The following PDZD2 variants were observed in gnomAD, a reference collection of about 807,000 sequenced individuals.
PDZD2 encodes PDZ domain-containing protein 2.
In PDZD2, 90 loss-of-function variants were observed where a neutral mutation model predicts 220.7. That is an observed-to-expected ratio of 0.41 (90% CI 0.34 to 0.49). The LOEUF (loss-of-function observed/expected upper bound fraction) is 0.49. Among genes scored for constraint, PDZD2 ranks in the 20% least tolerant of loss-of-function variants. The pLI is 0.28. For synonymous variants in PDZD2, 1,375 were observed against 1,450.5 expected, an observed-to-expected ratio of 0.95 and a Z score of 1.18; for missense variants, 3,174 against 3,608.5, an observed-to-expected ratio of 0.88 and a Z score of 3.08.
At chr5:31,865,708 A>G (rs1738161292) in intron 2 of PDZD2, among the ~76,000 whole-genome samples, 1 of 126,926 alleles carries the variant, frequency 7.9e-6, no homozygotes, top group Non-Finnish European at 1.5e-5. Flanking sequence ...ATCTCGTCTC[A>G]CTGCAAGCTC....
intron 18 of PDZD2, among the ~76,000 whole-genome samples, chr5:32,077,168 T>C (rs1741377015): frequency 6.6e-6 from 1 of 152,234 alleles, no homozygotes; most frequent in South Asian, 2.1e-4. Context: ...TCTAGCCTTA[T>C]ATGTGCTGTT....
intron 2 of PDZD2, among the ~76,000 whole-genome samples, chr5:31,841,490 T>C (rs1286753404): frequency 6.6e-6 from 1 of 152,118 alleles, no homozygotes; most frequent in Non-Finnish European, 1.5e-5. Flanking sequence ...CTGGCTAACA[T>C]GGTGAAACCC....
rs144405453 is a variant in PDZD2, at chr5:31,855,840, T to A, written c.476+56116T>A. On this transcript the variant is annotated intron_variant, in intron 2 of 24. Coordinates refer to ENST00000438447, the MANE Select transcript of PDZD2 (RefSeq NM_178140.4). The stretch of plus-strand genomic sequence containing the variant: ...AGGATGTTTGGAAAGAGAATGGCAT[T>A]TTCTGTCCTGTAGCTCCTCTCTACT... 7.8e-3 allele frequency among the ~76,000 whole-genome samples: 1,195 copies of A among 152,304 alleles called. 17 individuals are homozygous for A. Among genetic ancestry groups the A allele is most frequent in the African/African-American group, 0.027 (1,113 of 41,574 alleles).
chr5:31,690,432 C>T (rs1313808932), intron 1 of PDZD2, among the ~76,000 whole-genome samples: 1 of 152,114 alleles, frequency 6.6e-6, no homozygotes, highest in Non-Finnish European at 1.5e-5. Context: ...GCTGCAATGA[C>T]AAATTTCCAT....
At chr5:31,998,077 G>A (rs1295791202) in intron 4 of PDZD2, among the ~76,000 whole-genome samples, 3 of 152,042 alleles carry the variant, frequency 2.0e-5, no homozygotes, top group African/African-American at 4.8e-5. Flanking sequence ...TCCTGACCTC[G>A]TGATCCATCC....
At chr5:31,794,838 G>C (rs1002353007) in intron 1 of PDZD2, among the ~76,000 whole-genome samples, 1 of 152,178 alleles carries the variant, frequency 6.6e-6, no homozygotes, top group African/African-American at 2.4e-5. Context: ...GGAAGATTAG[G>C]TGAAGGTCGA....
At chr5:31,898,484 T>C (rs12186418) in intron 2 of PDZD2, among the ~76,000 whole-genome samples, 85,018 of 152,094 alleles carry the variant, frequency 0.56, 26,339 homozygotes, top group Middle Eastern at 0.72. Flanking sequence ...AGAAAGCTTT[T>C]CTGACAGCTG....
At chr5:31,971,230 C>G (rs897382896) in intron 2 of PDZD2, among the ~76,000 whole-genome samples, 1 of 152,212 alleles carries the variant, frequency 6.6e-6, no homozygotes, top group African/African-American at 2.4e-5. Flanking sequence ...CACCAGCAAG[C>G]TTGGTGTCTA....
chr5:31,953,839 A>G (rs1337291608), intron 2 of PDZD2, among the ~76,000 whole-genome samples: 1 of 151,946 alleles, frequency 6.6e-6, no homozygotes, highest in Non-Finnish European at 1.5e-5. Flanking sequence ...TTTAGTAGAG[A>G]TGGGTTTCAC....
chr5:31,690,050 G>C (rs924201845), intron 1 of PDZD2, among the ~76,000 whole-genome samples: 1 of 152,100 alleles, frequency 6.6e-6, no homozygotes, highest in Non-Finnish European at 1.5e-5. Context: ...CTTTTACAAA[G>C]AGCCAAGTCT....
At chr5:31,862,703 G>A (rs1737836554) in intron 2 of PDZD2, among the ~76,000 whole-genome samples, 1 of 151,898 alleles carries the variant, frequency 6.6e-6, no homozygotes, top group Non-Finnish European at 1.5e-5. Context: ...TGGGATTACA[G>A]GCATGTGCCA....
intron 2 of PDZD2, among the ~76,000 whole-genome samples, chr5:31,862,616 A>G (rs1265753053): frequency 6.7e-6 from 1 of 149,458 alleles, no homozygotes; most frequent in Non-Finnish European, 1.5e-5. Flanking sequence ...GCTGGAGTGC[A>G]GTAGTGCAAT....
rs1745023247 is a variant in PDZD2, at chr5:31,928,968, C to T, written c.477-54187C>T. 2.0e-5 allele frequency among the ~76,000 whole-genome samples: 3 copies of T among 151,952 alleles called. No individual in the cohort carries two copies. The South Asian group carries it at 6.2e-4, about 32-fold the overall frequency. The stretch of plus-strand genomic sequence containing the variant: ...CTATTTTTCCATTTACTTACTAGAA[C>T]TTAGGAGTATGCTGGGCTCTGAAAG... On this transcript the variant is annotated intron_variant, in intron 2 of 24. Transcript: ENST00000438447.
chr5:32,041,456 A>G (rs1756141797), intron 7 of PDZD2, among the ~76,000 whole-genome samples: 1 of 152,068 alleles, frequency 6.6e-6, no homozygotes, highest in African/African-American at 2.4e-5. Flanking sequence ...CTGTGTAGAA[A>G]GAAGTAGACA....
At chr5:31,876,396 G>A (rs941276608) in intron 2 of PDZD2, among the ~76,000 whole-genome samples, 2 of 151,478 alleles carry the variant, frequency 1.3e-5, no homozygotes, top group Non-Finnish European at 2.9e-5. Context: ...GGGTTCAAGC[G>A]ACTCTCCTGC....
At chr5:31,934,607 T>TAAA (rs5867117) in intron 2 of PDZD2, among the ~76,000 whole-genome samples, 2,345 of 117,960 alleles carry the variant, frequency 0.02, 77 homozygotes, top group African/African-American at 0.057. Flanking sequence ...ACCATCTAAT[T>TAAA]AAAAAAAAAA....
At position 32,000,215 on chromosome 5, in the gene PDZD2, G is replaced by A; in HGVS notation, c.1198G>A (p.Ala400Thr). The A allele has an allele frequency of 1.2e-6, 2 of 1,614,076 alleles. No homozygotes were observed. The highest frequency in any genetic ancestry group is 1.7e-6 in the Non-Finnish European group (2 of 1,179,928). ...ACTGGTCGGGCTCTCCCACGAGGAA[G>A]CAGTGGCCATTCTTCGCTCCGCCAC... ...HLLVGLSHEE[A>T]VAILRSATGM... Residue 400 changes from alanine (A) to threonine (T), a missense_variant, in exon 5 of 25, where the codon GCA (alanine) becomes ACA (threonine). Around this residue, in one of 4 missense-constraint regions of PDZD2, gnomAD observed 632 missense variants for 708.1 expected, o/e 0.89. Transcript: ENST00000438447. The surrounding 1 kb of genome is among the most constrained non-coding windows in gnomAD (Gnocchi z 4.5).
At chr5:32,002,338 A>G (rs1306652307) in intron 5 of PDZD2, among the ~76,000 whole-genome samples, 1 of 151,974 alleles carries the variant, frequency 6.6e-6, no homozygotes, top group Non-Finnish European at 1.5e-5. Flanking sequence ...ACCAAGGGAC[A>G]CCTTGGGGTG....
chr5:31,987,339 C>G (rs371878476), intron 3 of PDZD2, among the ~76,000 whole-genome samples: 1 of 152,214 alleles, frequency 6.6e-6, no homozygotes, highest in Non-Finnish European at 1.5e-5. Flanking sequence ...CTACCAGACC[C>G]TTTTCCTATG....
Sources: allele counts gnomAD v4.1 joint callset (sites outside exome capture counted in the v4.1 genomes callset), GRCh38; gene constraint gnomAD v4.1.1; regional missense constraint gnomAD v4.1.1; non-coding constraint Gnocchi (gnomAD v3.1); transcripts MANE v1.5; gene names NCBI Gene and HGNC (gene_info 2026-07-23, HGNC 2026-07-21).